Variants in RRAGD observed in about 807,000 individuals in gnomAD.
RRAGD encodes Ras related GTP binding D.
A neutral mutation model predicts 35.5 loss-of-function variants in RRAGD; 12 were observed. That is an observed-to-expected ratio of 0.34 (90% CI 0.22 to 0.55). The LOEUF (loss-of-function observed/expected upper bound fraction) is 0.55. Among genes scored for constraint, RRAGD ranks in the 20% least tolerant of loss-of-function variants. The pLI is 0.91. For synonymous variants in RRAGD, 155 were observed against 178.9 expected (o/e 0.87, Z 1.07); for missense variants, 324 against 490.1 (o/e 0.66, Z 3.20).
chr6:89,403,272 C>T (rs1204396485), intron 1 of RRAGD, among the ~76,000 whole-genome samples: 1 of 152,152 alleles, frequency 6.6e-6, no homozygotes, highest in Non-Finnish European at 1.5e-5. Flanking sequence ...GGTGAAACCC[C>T]GTGTCTACTA....
At position 89,367,760 on chromosome 6, in the gene RRAGD, T is replaced by C. The variant is rs948032091; in HGVS notation, c.*296A>G. On this transcript the variant is annotated 3_prime_UTR_variant, in exon 7 of 7. Coordinates refer to ENST00000369415, the MANE Select transcript of RRAGD (RefSeq NM_021244.5). ...GAGAAACATGAAAAAGTGCAAAATA[T>C]GTACAATTCCTGGCAGTTCTCACAC... 6 of 273,744 alleles carry C rather than the reference T, an allele frequency of 2.2e-5. No homozygotes were observed. Among genetic ancestry groups the C allele is most frequent in the Admixed American group, 2.0e-4 (4 of 19,620 alleles). 17.0% of individuals were successfully genotyped at this position (273,744 alleles called of 1,614,324 possible).
chr6:89,374,261 G>A (rs1768897512), intron 5 of RRAGD, among the ~76,000 whole-genome samples: 1 of 152,198 alleles, frequency 6.6e-6, no homozygotes, highest in Non-Finnish European at 1.5e-5. Context: ...GGTAAAGTCA[G>A]GACCTCAAAC....
intron 2 of RRAGD, among the ~76,000 whole-genome samples, chr6:89,382,744 C>T (rs974304276): frequency 6.6e-6 from 1 of 150,498 alleles, no homozygotes; most frequent in South Asian, 2.1e-4. Context: ...GGCAGGGTGG[C>T]GCATGCCTGT....
intron 6 of RRAGD, among the ~76,000 whole-genome samples, chr6:89,368,513 C>A (rs552466067): frequency 2.0e-5 from 3 of 151,976 alleles, no homozygotes; most frequent in Non-Finnish European, 4.4e-5. Flanking sequence ...TTTTTTTTAA[C>A]CTTTCAGAAT....
rs190963568 is a variant in RRAGD at position 89,397,199 on chromosome 6, C to G, written c.149-9609G>C. On this transcript the variant is annotated intron_variant, in intron 1 of 6. Coordinates refer to ENST00000369415, the MANE Select transcript of RRAGD (RefSeq NM_021244.5). Reference sequence around the variant, plus strand: ...ATAATGAGATACTATTACATACCCACTAAGACAGCTAAAATTAGGAAGAAT... The same window carrying G: ...ATAATGAGATACTATTACATACCCAGTAAGACAGCTAAAATTAGGAAGAAT... 2.0e-5 allele frequency among the ~76,000 whole-genome samples: 3 copies of G among 152,094 alleles called. No individual in the cohort carries two copies. In the East Asian group the frequency reaches 5.9e-4, roughly 30 times the overall value.
chr6:89,412,058 C>A lies in RRAGD; in HGVS notation c.-65G>T. The A allele has an allele frequency of 6.9e-7, 1 of 1,444,118 alleles. No homozygotes were observed. The highest frequency in any genetic ancestry group is 1.3e-5 in the South Asian group (1 of 74,166). 89.5% of individuals were successfully genotyped at this position (1,444,118 alleles called of 1,614,324 possible). A position where few individuals can be genotyped will look rare whatever the true frequency, so the allele number is the denominator to read the frequency against. On this transcript the variant is annotated 5_prime_UTR_variant, in exon 1 of 7. Coordinates refer to ENST00000369415, the MANE Select transcript of RRAGD (RefSeq NM_021244.5). The surrounding 1 kb of genome is among the most constrained non-coding windows in gnomAD (Gnocchi z 4.2). ...CCGGGGTGGGGGCCAAGCCTCCTAG[C>A]CGGCCGCCCGCAGCCTATTTCTGAA...
intron 1 of RRAGD, among the ~76,000 whole-genome samples, chr6:89,400,211 C>T (rs1016442964): frequency 6.6e-6 from 1 of 152,106 alleles, no homozygotes; most frequent in African/African-American, 2.4e-5. Flanking sequence ...ATAAAATCAA[C>T]TTGTGGGGAT....
chr6:89,398,046 C>T (rs1282118888), intron 1 of RRAGD, among the ~76,000 whole-genome samples: 3 of 151,950 alleles, frequency 2.0e-5, no homozygotes, highest in Admixed American at 6.5e-5. Context: ...ACTTGGGAGG[C>T]TGAGGCAAGA....
intron 2 of RRAGD, among the ~76,000 whole-genome samples, chr6:89,382,635 G>A (rs1172391117): frequency 6.6e-6 from 1 of 151,846 alleles, no homozygotes; most frequent in Non-Finnish European, 1.5e-5. Context: ...CAGCCCTTTG[G>A]GAGGCCAAGG....
At chr6:89,383,972 C>T (rs1769092498) in intron 2 of RRAGD, among the ~76,000 whole-genome samples, 1 of 151,582 alleles carries the variant, frequency 6.6e-6, no homozygotes, top group East Asian at 1.9e-4. Flanking sequence ...AAATATAAAA[C>T]TTAGCTGGGT....
At chr6:89,393,309 G>C (rs555671855) in intron 1 of RRAGD, among the ~76,000 whole-genome samples, 3 of 152,348 alleles carry the variant, frequency 2.0e-5, no homozygotes, top group African/African-American at 4.8e-5. Context: ...GCAGAGTTCT[G>C]CTGTAGAGTG....
intron 3 of RRAGD, 27 bp downstream of exon 3, chr6:89,380,141 G>C: frequency 6.2e-7 from 1 of 1,608,828 alleles, no homozygotes; most frequent in Middle Eastern, 1.7e-4. Flanking sequence ...TCCTTTATTG[G>C]GATCCTTAAG....
chr6:89,402,518 C>T (rs543606550), intron 1 of RRAGD, among the ~76,000 whole-genome samples: 1 of 152,274 alleles, frequency 6.6e-6, no homozygotes, highest in South Asian at 2.1e-4. Context: ...GAGTGCAAAT[C>T]TGTGTCACAT....
In RRAGD at chr6:89,386,063, A is replaced by G. The variant is rs143904352; in HGVS notation, c.444+1232T>C. 3.0e-3 allele frequency among the ~76,000 whole-genome samples: 460 copies of G among 152,258 alleles called. 4 individuals are homozygous for G. Among genetic ancestry groups the G allele is most frequent in the African/African-American group, 0.011 (442 of 41,554 alleles). ...CACCCGCAGCTGGCCAACCTGTCTCACTGTGGGTCCACAGTTCCAGGGAAA... is the reference window on the plus strand; with the variant it reads ...CACCCGCAGCTGGCCAACCTGTCTCGCTGTGGGTCCACAGTTCCAGGGAAA... On this transcript the variant is annotated intron_variant, in intron 2 of 6. Transcript: ENST00000369415.
At chr6:89,393,010 A>G (rs1769265759) in intron 1 of RRAGD, among the ~76,000 whole-genome samples, 1 of 152,214 alleles carries the variant, frequency 6.6e-6, no homozygotes, top group African/African-American at 2.4e-5. Flanking sequence ...CTACCCAGTC[A>G]CAGTACTGCC....
Position 89,411,934 on chromosome 6 carries a change from C to G in RRAGD, c.60G>C (p.Glu20Asp). ...PQDEDDAEEEEEEDELVGLAD... is the reference protein window; with the variant it reads ...PQDEDDAEEEDEEDELVGLAD... ...CTAGCCCCACCAGCTCATCCTCCTCCTCCTCCTCCTCCGCGTCGTCCTCGT... is the reference window on the plus strand; with the variant it reads ...CTAGCCCCACCAGCTCATCCTCCTCGTCCTCCTCCTCCGCGTCGTCCTCGT... The change falls in exon 1 of 7, where the codon GAG becomes GAC. Residue 20 changes from glutamate to aspartate, a missense_variant. Glu to Asp is a conservative substitution (Grantham distance 45). Coordinates refer to ENST00000369415, the MANE Select transcript of RRAGD (RefSeq NM_021244.5). The surrounding 1 kb of genome is among the most constrained non-coding windows in gnomAD (Gnocchi z 5.6). 5.2e-6 allele frequency: 8 copies of G among 1,541,496 alleles called. No individual in the cohort carries two copies. Among genetic ancestry groups the G allele is most frequent in the Non-Finnish European group, 7.0e-6 (8 of 1,146,622 alleles).
intron 1 of RRAGD, among the ~76,000 whole-genome samples, chr6:89,408,259 C>T (rs1196314307): frequency 6.6e-6 from 1 of 152,112 alleles, no homozygotes; most frequent in Non-Finnish European, 1.5e-5. Flanking sequence ...AGAAAAGCCC[C>T]CTGGTATCTC....
chr6:89,397,360 A>G (rs1286178034), intron 1 of RRAGD, among the ~76,000 whole-genome samples: 3 of 152,204 alleles, frequency 2.0e-5, no homozygotes, highest in African/African-American at 7.2e-5. Context: ...CTGTCATACT[A>G]TCCCTTCCAT....
In RRAGD at chr6:89,387,690, T is replaced by C. The variant is rs550079799; in HGVS notation, c.149-100A>G. 1.8e-5 allele frequency: 20 copies of C among 1,142,640 alleles called. No individual in the cohort carries two copies. In the African/African-American group the frequency reaches 2.0e-4, roughly 11 times the overall value. 70.8% of individuals were successfully genotyped at this position (1,142,640 alleles called of 1,614,324 possible). On this transcript the variant is annotated intron_variant, in intron 1 of 6. Coordinates refer to ENST00000369415, the MANE Select transcript of RRAGD (RefSeq NM_021244.5). ...TCAAATGTGATTTATGATTCACAGA[T>C]GATGCCACTCTTCCAAAGAGTGCTA...
Sources: gnomAD v4.1 joint callset for allele counts (sites outside exome capture counted in the v4.1 genomes callset) on GRCh38, gnomAD v4.1.1 for gene constraint, Gnocchi (gnomAD v3.1) non-coding constraint, MANE v1.5 for transcripts, NCBI Gene and HGNC (gene_info 2026-07-23, HGNC 2026-07-21) for gene names.